Variants in PCDHA7 observed in about 807,000 individuals in gnomAD.
PCDHA7 encodes the protein protocadherin alpha-7.
A neutral mutation model predicts 57.2 loss-of-function variants in PCDHA7; 37 were observed. The observed-to-expected ratio is 0.65, with a 90% CI of 0.50 to 0.85. The LOEUF (loss-of-function observed/expected upper bound fraction) is 0.85. Ranked by LOEUF, PCDHA7 falls within the 40% of genes least tolerant of loss-of-function variation. The probability of loss-of-function intolerance (pLI) is 0.00; values close to 1 mark genes in which losing one functional copy is unlikely to be tolerated. For missense variants in PCDHA7, 1,188 were observed against 1,241.8 expected (o/e 0.96, Z 0.65); for synonymous variants, 553 against 558.8 (o/e 0.99, Z 0.15).
At chr5:140,861,124 A>G (rs1426704260) in intron 1 of PCDHA7, 4 of 153,324 alleles carry the variant, frequency 2.6e-5, no homozygotes, top group African/African-American at 9.6e-5. Flanking sequence ...AACACCCATT[A>G]AGACCACTTG....
intron 1 of PCDHA7, chr5:140,869,034 T>C (rs1441426453): frequency 5.2e-6 from 8 of 1,527,468 alleles, no homozygotes. Flanking sequence ...ACGAGATTTT[T>C]AACCTGAAAC....
chr5:140,850,804 T>C lies in PCDHA7; in HGVS notation c.2355+14066T>C, dbSNP rs2150498986. ...GAGGGTAAGCAGAAGACCGACCTCA[T>C]GGCCTTCAGCCCGGGCCTTTCTCCT... On this transcript the variant is annotated intron_variant, in intron 1 of 3. Transcript: ENST00000525929. The C allele has an allele frequency of 3.1e-6, 5 of 1,598,410 alleles. No homozygotes were observed. The East Asian group carries it at 1.1e-4, about 36-fold the overall frequency.
intron 1 of PCDHA7, among the ~76,000 whole-genome samples, chr5:140,873,915 C>A (rs543062290): frequency 6.6e-6 from 1 of 152,284 alleles, no homozygotes; most frequent in Non-Finnish European, 1.5e-5. Flanking sequence ...CCTGCCTCAG[C>A]CTCCCAAAGT....
chr5:140,929,698 G>A (rs2086308201), intron 1 of PCDHA7: 1 of 263,620 alleles, frequency 3.8e-6, no homozygotes, highest in Non-Finnish European at 7.5e-6. Flanking sequence ...TGCTTTATAT[G>A]AATATAATAT....
Position 140,851,603 on chromosome 5 carries a change from A to C in PCDHA7, c.2355+14865A>C, listed in dbSNP as rs1213150378. 1.6e-5 allele frequency: 15 copies of C among 916,732 alleles called. No individual in the cohort carries two copies. In the African/African-American group the frequency reaches 2.5e-4, roughly 15 times the overall value. The allele number at this position is 916,732 out of a possible 1,614,324, so 56.8% of individuals were successfully genotyped here. On this transcript the variant is annotated intron_variant, in intron 1 of 3. Coordinates refer to ENST00000525929, the MANE Select transcript of PCDHA7 (RefSeq NM_018910.3). ...ACATTTTTTGAAATTCAGTTTACAG[A>C]AATTGGAGAAAATGCTTTTTAAACA...
intron 3 of PCDHA7, 64 bp downstream of exon 3, chr5:140,982,627 T>A: frequency 6.3e-7 from 1 of 1,581,770 alleles, no homozygotes; most frequent in Non-Finnish European, 8.6e-7. Flanking sequence ...GACCTACTTT[T>A]GTAAGATCAG....
At chr5:140,859,044 G>A (rs1228604447) in intron 1 of PCDHA7, 2 of 150,376 alleles carry the variant, frequency 1.3e-5, no homozygotes, top group Non-Finnish European at 3.0e-5. Flanking sequence ...CTTTAAAAAC[G>A]TTTTCCATTT....
chr5:140,943,090 C>G (rs554425182), intron 1 of PCDHA7, among the ~76,000 whole-genome samples: 3 of 151,542 alleles, frequency 2.0e-5, no homozygotes, highest in African/African-American at 7.3e-5. Context: ...AATCCTGCCT[C>G]TACTAAAAAA....
Position 140,835,993 on chromosome 5 carries a change from C to T in PCDHA7, c.1610C>T (p.Ala537Val). ...GAGCTGTTGCAGTTCCAGGTGAGCG[C>T]GCGCGATGCGGGCGTGCCGCCTCTG... ...ELELLQFQVS[A>V]RDAGVPPLGS... is the part of the protein sequence containing the mutation. The change falls in exon 1 of 4, where the codon GCG becomes GTG. Residue 537 changes from alanine to valine, a missense_variant. Ala to Val is a moderately conservative substitution (Grantham distance 64, BLOSUM62 0). Around this residue, in one of 3 missense-constraint regions of PCDHA7, gnomAD observed 892 missense variants for 788.5 expected, o/e 1.13. Transcript: ENST00000525929. 6.2e-7 allele frequency: 1 copy of T among 1,613,346 alleles called. No individual in the cohort carries two copies. The highest frequency in any genetic ancestry group is 8.5e-7 in the Non-Finnish European group (1 of 1,179,714).
intron 1 of PCDHA7, chr5:140,843,573 C>T (rs1380003956): frequency 6.3e-7 from 1 of 1,595,868 alleles, no homozygotes; most frequent in Admixed American, 1.7e-5. Flanking sequence ...TGGTCATACT[C>T]GCAACAACAG....
chr5:140,901,139 A>G (rs1186725760), intron 1 of PCDHA7, among the ~76,000 whole-genome samples: 1 of 151,726 alleles, frequency 6.6e-6, no homozygotes, highest in Non-Finnish European at 1.5e-5. Context: ...GATTGTAAAT[A>G]TTTTCTCTCA....
At chr5:140,916,978 C>T (rs907014572) in intron 1 of PCDHA7, among the ~76,000 whole-genome samples, 13 of 152,270 alleles carry the variant, frequency 8.5e-5, no homozygotes, top group South Asian at 2.1e-4. Context: ...ATGAGTGATT[C>T]GCCTCTGGCC....
chr5:141,001,670 C>T (rs1554258276), intron 3 of PCDHA7, among the ~76,000 whole-genome samples: 1 of 151,900 alleles, frequency 6.6e-6, no homozygotes, highest in African/African-American at 2.4e-5. Flanking sequence ...CTTGTCCAGT[C>T]GGTCCAACAA....
chr5:140,904,584 A>T (rs1434719463), intron 1 of PCDHA7, among the ~76,000 whole-genome samples: 1 of 152,088 alleles, frequency 6.6e-6, no homozygotes, highest in African/African-American at 2.4e-5. Context: ...GACACCCAGT[A>T]GTGGGACTGC....
intron 1 of PCDHA7, among the ~76,000 whole-genome samples, chr5:140,913,644 A>T (rs889499847): frequency 3.9e-5 from 6 of 151,920 alleles, no homozygotes; most frequent in Non-Finnish European, 8.8e-5. Flanking sequence ...CTGCTTTTCT[A>T]GTTCTTTAAG....
chr5:140,962,708 A>G (rs982426662), intron 1 of PCDHA7, among the ~76,000 whole-genome samples: 1 of 152,240 alleles, frequency 6.6e-6, no homozygotes, highest in African/African-American at 2.4e-5. Context: ...CTATAATCAT[A>G]TTGGAAAGTA....
rs1308888029 is a variant in PCDHA7 at position 141,011,344 on chromosome 5, A to G, written c.*1407A>G. Reference sequence around the variant, plus strand: ...ACACCTATGATGTTACCTGAAATCAATCTCCCATATGTATGCTGTATGCTA... The same window carrying G: ...ACACCTATGATGTTACCTGAAATCAGTCTCCCATATGTATGCTGTATGCTA... On this transcript the variant is annotated 3_prime_UTR_variant, in exon 4 of 4. Coordinates refer to ENST00000525929, the MANE Select transcript of PCDHA7 (RefSeq NM_018910.3). 3 of 153,730 alleles carry G rather than the reference A, an allele frequency of 2.0e-5. No homozygotes were observed. The highest frequency in any genetic ancestry group is 2.9e-5 in the Non-Finnish European group (2 of 68,040). The allele number at this position is 153,730 out of a possible 1,614,324, so 9.5% of individuals were successfully genotyped here.
chr5:140,875,410 A>G (rs1459624657), intron 1 of PCDHA7: 3 of 1,502,000 alleles, frequency 2.0e-6, no homozygotes, highest in African/African-American at 1.4e-5. Flanking sequence ...TGCTCATAAA[A>G]TACCTCAGGC....
chr5:141,010,432 CAA>C lies in PCDHA7; in HGVS notation c.*497_*498del. The C allele has an allele frequency of 8.5e-6, 9 of 1,056,970 alleles. No individual in the cohort carries two copies. The highest frequency in any genetic ancestry group is 1.2e-5 in the Non-Finnish European group (9 of 756,282). 65.5% of individuals were successfully genotyped at this position (1,056,970 alleles called of 1,614,324 possible). A position where few individuals can be genotyped will look rare whatever the true frequency, so the allele number is the denominator to read the frequency against. On this transcript the variant is annotated 3_prime_UTR_variant, in exon 4 of 4. Coordinates refer to ENST00000525929, the MANE Select transcript of PCDHA7 (RefSeq NM_018910.3). Reference sequence around the variant, plus strand: ...AATTGGTACAAGGAAGGCAAGAAAACAAAGACAAATAAACAGCGGAAGTTATC... The same window carrying C: ...AATTGGTACAAGGAAGGCAAGAAAACAGACAAATAAACAGCGGAAGTTATC...
Sources: allele counts gnomAD v4.1 joint callset (sites outside exome capture counted in the v4.1 genomes callset), GRCh38; gene constraint gnomAD v4.1.1; regional missense constraint gnomAD v4.1.1; transcripts MANE v1.5; gene names NCBI Gene and HGNC (gene_info 2026-07-23, HGNC 2026-07-21).